The following LCP2 variants were observed in gnomAD, a reference collection of about 807,000 sequenced individuals.
LCP2 encodes lymphocyte cytosolic protein 2, also known as 76 kDa tyrosine phosphoprotein.
A neutral mutation model predicts 74.5 loss-of-function variants in LCP2; 29 were observed. The ratio of observed to expected loss-of-function variants is 0.39; its 90% CI spans 0.29 to 0.53. LCP2 has a LOEUF of 0.53. Among genes scored for constraint, LCP2 ranks in the 20% least tolerant of loss-of-function variants. The pLI is 0.72. For missense variants in LCP2, 604 were observed against 634.6 expected (o/e 0.95, Z 0.52); for synonymous variants, 228 against 229.5 (o/e 0.99, Z 0.06).
At position 170,293,361 on chromosome 5, in the gene LCP2, C is replaced by G. The variant is rs1292650567; in HGVS notation, c.90G>C (p.Lys30Asn). 6.3e-7 allele frequency: 1 copy of G among 1,599,506 alleles called. No individual in the cohort carries two copies. Among genetic ancestry groups the G allele is most frequent in the Non-Finnish European group, 8.5e-7 (1 of 1,172,634 alleles). ...LADYFKKLNY[K>N]DCEKAVKKYH... The stretch of plus-strand genomic sequence containing the variant: ...ACTTCTTCACTGCCTTCTCACAGTC[C>G]TTATAGTTGAGCTGCAAAGAGAAGG... Residue 30 changes from lysine to asparagine, a missense_variant, in exon 2 of 21, where the codon AAG becomes AAC. Physicochemically the swap from Lys to Asn is moderately conservative, Grantham distance 94 (BLOSUM62 0). Coordinates refer to ENST00000046794, the MANE Select transcript of LCP2 (RefSeq NM_005565.5).
chr5:170,253,908 A>G (rs1761502145), intron 17 of LCP2, among the ~76,000 whole-genome samples: 1 of 152,182 alleles, frequency 6.6e-6, no homozygotes, highest in Non-Finnish European at 1.5e-5. Flanking sequence ...ACTTTAGGAG[A>G]ATGTTTCCTA....
chr5:170,261,880 T>G (rs1344939785), intron 13 of LCP2, among the ~76,000 whole-genome samples: 1 of 152,246 alleles, frequency 6.6e-6, no homozygotes, highest in Non-Finnish European at 1.5e-5. Flanking sequence ...TTATTTAAAA[T>G]TTTGGAATTT....
At chr5:170,264,978 C>CTTTTTTT (rs58508083) in intron 10 of LCP2, among the ~76,000 whole-genome samples, 13 of 109,002 alleles carry the variant, frequency 1.2e-4, no homozygotes, top group African/African-American at 5.3e-4. Context: ...CAAAATTTGC[C>CTTTTTTT]TTTTTTTTTT....
chr5:170,291,296 G>T (rs1489840626), intron 2 of LCP2, among the ~76,000 whole-genome samples: 1 of 152,126 alleles, frequency 6.6e-6, no homozygotes, highest in Non-Finnish European at 1.5e-5. Context: ...GAGTGGCCCT[G>T]GATATTACAG....
chr5:170,263,103 G>T, intron 10 of LCP2, 111 bp from the exon 11 acceptor site: 4 of 1,265,616 alleles, frequency 3.2e-6, no homozygotes, highest in Non-Finnish European at 4.4e-6. Flanking sequence ...GGGTTGATGG[G>T]GTTTAAGCAT....
chr5:170,278,409 T>TGAGGGGCGAGGGGGA, intron 3 of LCP2, among the ~76,000 whole-genome samples: 1 of 11,582 alleles, frequency 8.6e-5, no homozygotes, highest in East Asian at 2.5e-3. Context: ...AGTGCAGGGG[T>TGAGGGGCGAGGGGGA]TGGGGGCGGG....
chr5:170,260,352 C>T (rs1214401025), intron 14 of LCP2, among the ~76,000 whole-genome samples: 1 of 152,216 alleles, frequency 6.6e-6, no homozygotes, highest in Non-Finnish European at 1.5e-5. Flanking sequence ...CGCTTTTGGG[C>T]TGAGCCCTTG....
intron 7 of LCP2, among the ~76,000 whole-genome samples, chr5:170,269,376 A>G (rs146834645): frequency 5.3e-5 from 8 of 152,288 alleles, no homozygotes; most frequent in African/African-American, 1.7e-4. Flanking sequence ...GCCCGACTCT[A>G]GTCCCAGCCT....
intron 19 of LCP2, 60 bp from the exon 20 acceptor site, chr5:170,250,945 T>A: frequency 7.1e-7 from 1 of 1,410,306 alleles, no homozygotes; most frequent in East Asian, 2.3e-5. Context: ...TTGTTGCTTG[T>A]AAGAGTAGTA....
intron 3 of LCP2, among the ~76,000 whole-genome samples, chr5:170,285,187 T>C (rs1490989181): frequency 6.6e-6 from 1 of 152,250 alleles, no homozygotes; most frequent in Admixed American, 6.5e-5. Flanking sequence ...TCCCAAGCAG[T>C]GTATTTCTAA....
intron 3 of LCP2, 48 bp downstream of exon 3, chr5:170,287,922 T>C (rs1187731558): frequency 1.3e-6 from 2 of 1,572,514 alleles, no homozygotes; most frequent in African/African-American, 2.7e-5. Flanking sequence ...CTACTCCCCA[T>C]TCCCACCTCT....
chr5:170,268,416 AG>A lies in LCP2; in HGVS notation c.589del (p.Leu197SerfsTer39). On this transcript the variant is annotated frameshift_variant, in exon 8 of 21. Coordinates refer to ENST00000046794, the MANE Select transcript of LCP2 (RefSeq NM_005565.5). LOFTEE classifies it high-confidence loss of function. Reference sequence around the variant, plus strand: ...ATTCCGGCCGGCTGGTGGGGGCGGGAGGGCGGCCATCGGTCTCTGGGGGGGC... The same window carrying A: ...ATTCCGGCCGGCTGGTGGGGGCGGGAGGCGGCCATCGGTCTCTGGGGGGGC... ...PVPPQRPMAALPPPPAGRNHS... is the reference protein window; with the variant it reads ...PVPPQRPMAAXPPPPAGRNHS... 5.0e-6 allele frequency: 3 copies of A among 600,546 alleles called. No homozygotes were observed. The highest frequency in any genetic ancestry group is 4.1e-6 in the Non-Finnish European group (2 of 493,492). 37.2% of individuals were successfully genotyped at this position (600,546 alleles called of 1,614,324 possible).
intron 3 of LCP2, among the ~76,000 whole-genome samples, chr5:170,282,913 T>C (rs115561734): frequency 2.6e-4 from 40 of 152,304 alleles, no homozygotes; most frequent in African/African-American, 9.4e-4. Flanking sequence ...CACTTAAAAT[T>C]GGTGAGCTTG....
chr5:170,257,352 A>C (rs938716765), intron 16 of LCP2, among the ~76,000 whole-genome samples: 3 of 152,116 alleles, frequency 2.0e-5, no homozygotes, highest in Admixed American at 2.0e-4. Flanking sequence ...CATTGTGAGA[A>C]TCCTGCTAGG....
intron 6 of LCP2, chr5:170,273,776 C>T (rs1761936871): frequency 6.4e-6 from 1 of 155,772 alleles, no homozygotes; most frequent in African/African-American, 2.4e-5. Context: ...ATGTAAAAAT[C>T]AACTGGATTG....
intron 2 of LCP2, among the ~76,000 whole-genome samples, chr5:170,289,617 T>TTCTTTTTCTTTC (rs1350461834): frequency 9.8e-5 from 12 of 122,226 alleles, no homozygotes; most frequent in East Asian, 7.2e-4. Context: ...CTTTCTTTCT[T>TTCTTTTTCTTTC]TTTCTTTCTT....
At chr5:170,264,816 AAAAAAT>A (rs1031874005) in intron 10 of LCP2, among the ~76,000 whole-genome samples, 3 of 38,146 alleles carry the variant, frequency 7.9e-5, no homozygotes, top group Non-Finnish European at 1.9e-4. Context: ...ACTAAAAATA[AAAAAAT>A]AAAAATAAAA....
chr5:170,258,391 G>C, intron 15 of LCP2: 1 of 470,594 alleles, frequency 2.1e-6, no homozygotes, highest in East Asian at 3.1e-5. Flanking sequence ...AGATCTAGAT[G>C]ATACTCTAAA....
At chr5:170,281,356 T>G (rs1762097341) in intron 3 of LCP2, among the ~76,000 whole-genome samples, 1 of 152,162 alleles carries the variant, frequency 6.6e-6, no homozygotes, top group Admixed American at 6.5e-5. Context: ...CTTGGCTCAC[T>G]GCAAGTTCTG....
Sources: allele counts gnomAD v4.1 joint callset (sites outside exome capture counted in the v4.1 genomes callset), GRCh38; gene constraint gnomAD v4.1.1; transcripts MANE v1.5; gene names NCBI Gene and HGNC (gene_info 2026-07-23, HGNC 2026-07-21).